The following TNR variants were observed in gnomAD, a reference collection of about 807,000 sequenced individuals.
TNR encodes tenascin R.
In TNR, 45 loss-of-function variants were observed where a neutral mutation model predicts 150.4. The ratio of observed to expected loss-of-function variants is 0.30; its 90% CI spans 0.24 to 0.38. TNR has a LOEUF of 0.38. Ranked by LOEUF, TNR falls within the 10% of genes least tolerant of loss-of-function variation. The pLI, the probability that TNR is intolerant of heterozygous loss-of-function variation, is 1.00. For synonymous variants in TNR, 687 were observed against 678.4 expected (o/e 1.01, Z -0.20); for missense variants, 1,544 against 1,759.1 (o/e 0.88, Z 2.19).
intron 1 of TNR, among the ~76,000 whole-genome samples, chr1:175,696,245 C>CCT (rs1553254747): frequency 2.6e-4 from 12 of 45,824 alleles, no homozygotes; most frequent in African/African-American, 1.0e-3. Flanking sequence ...TTTTTTTTTT[C>CCT]CAAAATTTAA....
At chr1:175,710,163 T>C (rs951617840) in intron 1 of TNR, among the ~76,000 whole-genome samples, 3 of 152,052 alleles carry the variant, frequency 2.0e-5, no homozygotes, top group African/African-American at 7.3e-5. Flanking sequence ...GGAAGATCAC[T>C]CAGGGAGCTA....
intron 1 of TNR, among the ~76,000 whole-genome samples, chr1:175,725,805 A>T (rs1429035776): frequency 6.6e-6 from 1 of 152,186 alleles, no homozygotes; most frequent in Admixed American, 6.5e-5. Context: ...TCTCCCCTCA[A>T]TGAATGTTTC....
chr1:175,615,579 C>T (rs1013416530), intron 1 of TNR, among the ~76,000 whole-genome samples: 11 of 152,172 alleles, frequency 7.2e-5, no homozygotes, highest in East Asian at 1.9e-4. Flanking sequence ...TGTCTCCTTA[C>T]GGTGTAAACT....
At chr1:175,335,340 C>T in intron 20 of TNR, 1 of 195,602 alleles carries the variant, frequency 5.1e-6, no homozygotes. Flanking sequence ...GTCCTCATTT[C>T]TCCCCTGACC....
intron 1 of TNR, among the ~76,000 whole-genome samples, chr1:175,532,154 C>A (rs538341301): frequency 6.6e-6 from 1 of 152,342 alleles, no homozygotes; most frequent in South Asian, 2.1e-4. Context: ...TGATGTACTG[C>A]AAATTGCTGG....
intron 2 of TNR, among the ~76,000 whole-genome samples, chr1:175,412,513 A>G (rs1654257501): frequency 6.6e-6 from 1 of 152,054 alleles, no homozygotes; most frequent in South Asian, 2.1e-4. Context: ...CCTTGATCCT[A>G]GAGGAGCTGG....
chr1:175,608,202 T>G (rs182971132), intron 1 of TNR, among the ~76,000 whole-genome samples: 1 of 152,232 alleles, frequency 6.6e-6, no homozygotes, highest in African/African-American at 2.4e-5. Context: ...ATACACATTC[T>G]ATGGAAATTT....
intron 1 of TNR, among the ~76,000 whole-genome samples, chr1:175,571,959 T>C (rs1352695604): frequency 2.0e-5 from 3 of 152,082 alleles, no homozygotes; most frequent in Non-Finnish European, 4.4e-5. Flanking sequence ...CTCAAGGAAG[T>C]AGCCACCAAT....
At chr1:175,635,650 G>C (rs1477563955) in intron 1 of TNR, among the ~76,000 whole-genome samples, 2 of 152,112 alleles carry the variant, frequency 1.3e-5, no homozygotes, top group African/African-American at 4.8e-5. Flanking sequence ...ACTCTATAGA[G>C]ACTGAATTCA....
intron 11 of TNR, among the ~76,000 whole-genome samples, chr1:175,365,661 G>A (rs773097590): frequency 4.6e-5 from 7 of 152,158 alleles, no homozygotes; most frequent in Non-Finnish European, 1.0e-4. Context: ...CCAGACACAA[G>A]TTTTCAGGCA....
chr1:175,424,724 A>T (rs1456152864), intron 2 of TNR, among the ~76,000 whole-genome samples: 7 of 152,072 alleles, frequency 4.6e-5, no homozygotes, highest in African/African-American at 1.7e-4. Flanking sequence ...CTACATAGGG[A>T]TGCAAACCCC....
At chr1:175,490,419 C>T (rs991623113) in intron 2 of TNR, among the ~76,000 whole-genome samples, 1 of 152,210 alleles carries the variant, frequency 6.6e-6, no homozygotes, top group African/African-American at 2.4e-5. Flanking sequence ...AAGAAACTAT[C>T]AACGGAGTGA....
At chr1:175,326,981 T>C (rs1253646743) in intron 21 of TNR, among the ~76,000 whole-genome samples, 1 of 151,688 alleles carries the variant, frequency 6.6e-6, no homozygotes, top group African/African-American at 2.4e-5. Flanking sequence ...TTTTTTTTTT[T>C]AAGTTTTCAC....
intron 21 of TNR, among the ~76,000 whole-genome samples, chr1:175,325,723 A>G (rs1193384796): frequency 6.6e-6 from 1 of 152,244 alleles, no homozygotes; most frequent in Admixed American, 6.5e-5. Context: ...TTGCAGGGAC[A>G]TGGATGAAGC....
intron 2 of TNR, among the ~76,000 whole-genome samples, chr1:175,498,787 G>C (rs1029213094): frequency 1.6e-4 from 24 of 152,222 alleles, no homozygotes; most frequent in African/African-American, 5.8e-4. Flanking sequence ...CCCCTGGGCA[G>C]TAACTTAAGT....
At chr1:175,635,654 G>A (rs1481832146) in intron 1 of TNR, among the ~76,000 whole-genome samples, 2 of 152,112 alleles carry the variant, frequency 1.3e-5, no homozygotes, top group African/African-American at 4.8e-5. Flanking sequence ...TATAGAGACT[G>A]AATTCATTGC....
rs761275060 is a variant in TNR at position 175,330,238 on chromosome 1, G to A, written c.3632-3C>T. 3.3e-6 allele frequency: 5 copies of A among 1,537,340 alleles called. No individual in the cohort carries two copies. The highest frequency in any genetic ancestry group is 1.9e-5 in the Admixed American group (1 of 53,704). Reference sequence around the variant, plus strand: ...GATCCTGTGTATATTGTCCAGCCCTGTGGAGAAGAGCAGAAAATGCACTGA... The same window carrying A: ...GATCCTGTGTATATTGTCCAGCCCTATGGAGAAGAGCAGAAAATGCACTGA... On this transcript the variant is annotated splice_polypyrimidine_tract_variant and splice_region_variant and intron_variant, in intron 20 of 22. Transcript: ENST00000367674.
At chr1:175,669,671 G>A (rs765496854) in intron 1 of TNR, among the ~76,000 whole-genome samples, 1 of 152,192 alleles carries the variant, frequency 6.6e-6, no homozygotes, top group Non-Finnish European at 1.5e-5. Context: ...TCCAGAGGGT[G>A]CAGTCTGTGT....
At chr1:175,581,483 T>C (rs1571635259) in intron 1 of TNR, among the ~76,000 whole-genome samples, 2 of 152,182 alleles carry the variant, frequency 1.3e-5, no homozygotes, top group South Asian at 4.1e-4. Flanking sequence ...CTTGTCCACC[T>C]CCACCTCCAA....
Sources: gnomAD v4.1 joint callset for allele counts (sites outside exome capture counted in the v4.1 genomes callset) on GRCh38, gnomAD v4.1.1 for gene constraint, MANE v1.5 for transcripts, NCBI Gene and HGNC (gene_info 2026-07-23, HGNC 2026-07-21) for gene names.